SSU72: variants seen among roughly 807,000 people sequenced by gnomAD.
SSU72 encodes SSU72 homolog, RNA polymerase II CTD phosphatase, also known as RNA polymerase II subunit A C-terminal domain phosphatase SSU72.
A neutral mutation model predicts 22.7 loss-of-function variants in SSU72; 12 were observed. The observed-to-expected ratio is 0.53, with a 90% CI of 0.34 to 0.86. The LOEUF is 0.86. Ranked by LOEUF, SSU72 falls within the 40% of genes least tolerant of loss-of-function variation. The pLI, the probability that SSU72 is intolerant of heterozygous loss-of-function variation, is 0.02. For missense variants in SSU72, 151 were observed against 249.8 expected, an observed-to-expected ratio of 0.60 and a Z score of 2.67; for synonymous variants, 116 against 98.3, an observed-to-expected ratio of 1.18 and a Z score of -1.06.
Position 1,574,522 on chromosome 1 carries a change from G to A in SSU72, c.36C>T (p.Cys12=). The A allele has an allele frequency of 5.0e-6, 8 of 1,592,160 alleles. No homozygotes were observed. The highest frequency in any genetic ancestry group is 6.8e-6 in the Non-Finnish European group (8 of 1,171,764). Residue 12 remains cysteine, a synonymous_variant, in exon 1 of 5, where the codon TGC becomes TGT. Transcript: ENST00000291386. ...CCATGCTCCGGTTCTGGTTGCTCGA[G>A]CACACCACCGCCACCCGCAGCGGGG... The part of the protein sequence containing the change: ...PSSPLRVAVV[C]SSNQNRSMEA...
intron 4 of SSU72, among the ~76,000 whole-genome samples, chr1:1,543,491 C>A (rs1436914794): frequency 6.6e-6 from 1 of 152,172 alleles, no homozygotes; most frequent in African/African-American, 2.4e-5. Flanking sequence ...GCCTCCTGTG[C>A]CAAAGCTGTG....
At chr1:1,571,358 G>A (rs1002288681) in intron 1 of SSU72, among the ~76,000 whole-genome samples, 7 of 149,082 alleles carry the variant, frequency 4.7e-5, no homozygotes, top group African/African-American at 1.7e-4. Context: ...TTCAACCTGG[G>A]ATGCAGAGGT....
intron 2 of SSU72, among the ~76,000 whole-genome samples, chr1:1,549,541 GA>G (rs1001256854): frequency 1.4e-5 from 2 of 143,874 alleles, no homozygotes; most frequent in East Asian, 2.1e-4. Flanking sequence ...GAAAGAAAAA[GA>G]AAAAAAAAGG....
intron 2 of SSU72, among the ~76,000 whole-genome samples, chr1:1,555,897 G>A (rs1235302497): frequency 3.3e-5 from 5 of 152,192 alleles, no homozygotes; most frequent in Non-Finnish European, 7.3e-5. Flanking sequence ...TACTCAGGAG[G>A]CTGAGGTGGG....
At position 1,574,468 on chromosome 1, in the gene SSU72, G is replaced by C; in HGVS notation, c.80+10C>G. 6.3e-7 allele frequency: 1 copy of C among 1,592,946 alleles called. No homozygotes were observed. Among genetic ancestry groups the C allele is most frequent in the Non-Finnish European group, 8.5e-7 (1 of 1,171,998 alleles). ...GCAGAGCGCGCGGGGACAGGGTGGA[G>C]CCCAACTACCTGAGGATGTTGTGCG... On this transcript the variant is annotated intron_variant, in intron 1 of 4. Coordinates refer to ENST00000291386, the MANE Select transcript of SSU72 (RefSeq NM_014188.3).
At chr1:1,553,787 G>A (rs1177181236) in intron 2 of SSU72, among the ~76,000 whole-genome samples, 8 of 108,684 alleles carry the variant, frequency 7.4e-5, no homozygotes, top group East Asian at 9.5e-4. Context: ...GCGAGACTCC[G>A]TCTCAAAAAA....
chr1:1,545,203 G>A (rs1206955281), intron 2 of SSU72: 2 of 598,720 alleles, frequency 3.3e-6, no homozygotes, highest in Non-Finnish European at 5.8e-6. Context: ...CAAAGTGGGC[G>A]ATGGCAGGTG....
At chr1:1,567,437 G>A (rs777589062) in intron 1 of SSU72, among the ~76,000 whole-genome samples, 18 of 152,214 alleles carry the variant, frequency 1.2e-4, no homozygotes, top group Middle Eastern at 3.2e-3. Flanking sequence ...CACCCGGACT[G>A]TGAAATAAAC....
In SSU72 at chr1:1,542,187, G is replaced by C. The variant is rs1454044680; in HGVS notation, c.484-20C>G. The C allele has an allele frequency of 1.0e-5, 16 of 1,565,422 alleles. No homozygotes were observed. Among genetic ancestry groups the C allele is most frequent in the Non-Finnish European group, 1.4e-5 (16 of 1,154,492 alleles). On this transcript the variant is annotated intron_variant, in intron 4 of 4. Transcript: ENST00000291386. The surrounding 1 kb of genome is among the most constrained non-coding windows in gnomAD (Gnocchi z 4.4). ...CTGGATCTGCAAGGACAGGACCGTGGTGAGGGCCTTGCCCACTCCTGCCTG... is the reference window on the plus strand; with the variant it reads ...CTGGATCTGCAAGGACAGGACCGTGCTGAGGGCCTTGCCCACTCCTGCCTG...
chr1:1,542,839 C>A lies in SSU72; in HGVS notation c.484-672G>T, dbSNP rs927515341. On this transcript the variant is annotated intron_variant, in intron 4 of 4. Transcript: ENST00000291386. This position sits in a 1 kb window ranked among gnomAD's most constrained non-coding sequence, Gnocchi z 4.4. Reference sequence around the variant, plus strand: ...CCTGCCAGGCGATCATGAAGACCGTCCCTGGCGCTTCAGCAGCCACACTGG... The same window carrying A: ...CCTGCCAGGCGATCATGAAGACCGTACCTGGCGCTTCAGCAGCCACACTGG... Among the ~76,000 whole-genome samples, 2 of 152,192 alleles carry A rather than the reference C, an allele frequency of 1.3e-5. No individual in the cohort carries two copies. Among genetic ancestry groups the A allele is most frequent in the Admixed American group, 6.5e-5 (1 of 15,284 alleles).
chr1:1,549,599 G>A (rs564632821), intron 2 of SSU72, among the ~76,000 whole-genome samples: 74 of 152,082 alleles, frequency 4.9e-4, no homozygotes, highest in Non-Finnish European at 7.6e-4. Flanking sequence ...ACCACTTTGG[G>A]AGGCCGAGGC....
chr1:1,557,671 AC>A (rs1426795092), intron 2 of SSU72, among the ~76,000 whole-genome samples: 1 of 132,808 alleles, frequency 7.5e-6, no homozygotes, highest in Non-Finnish European at 1.6e-5. Flanking sequence ...GGTACGCCGC[AC>A]CTGTAATCCC....
intron 2 of SSU72, among the ~76,000 whole-genome samples, chr1:1,553,842 C>T (rs942380109): frequency 2.6e-5 from 4 of 151,352 alleles, no homozygotes; most frequent in African/African-American, 9.7e-5. Flanking sequence ...TGGAGCAGGC[C>T]GCATCTGAAG....
rs1642783224 is a variant in SSU72 at position 1,574,480 on chromosome 1, G to C, written c.78C>G (p.Leu26=). 1.9e-6 allele frequency: 3 copies of C among 1,595,658 alleles called. No homozygotes were observed. The East Asian group carries it at 7.2e-5, about 38-fold the overall frequency. The change falls in exon 1 of 5, where the codon CTC becomes CTG. Residue 26 remains leucine (L), a splice_region_variant and synonymous_variant. Transcript: ENST00000291386. Reference sequence around the variant, plus strand: ...GGGACAGGGTGGAGCCCAACTACCTGAGGATGTTGTGCGCCTCCATGCTCC... The same window carrying C: ...GGGACAGGGTGGAGCCCAACTACCTCAGGATGTTGTGCGCCTCCATGCTCC... ...QNRSMEAHNI[L]SKRGFSVRSF... is the part of the protein sequence containing the mutation.
At chr1:1,551,844 C>A (rs951548391) in intron 2 of SSU72, among the ~76,000 whole-genome samples, 6 of 152,264 alleles carry the variant, frequency 3.9e-5, no homozygotes, top group African/African-American at 1.2e-4. Flanking sequence ...CCCATGCAGG[C>A]AGGGCCACGC....
intron 2 of SSU72, chr1:1,563,854 C>A (rs994522963): frequency 2.0e-5 from 3 of 152,258 alleles, no homozygotes. Flanking sequence ...CACAGTGAGA[C>A]TCTGCTGGGA....
chr1:1,543,748 C>A, intron 4 of SSU72, 121 bp downstream of exon 4: 1 of 735,618 alleles, frequency 1.4e-6, no homozygotes. Flanking sequence ...CGGCCACTCC[C>A]CTCTGTCACG....
In SSU72 at chr1:1,574,849, C is replaced by A. The variant is rs1226305280; in HGVS notation, c.-292G>T. 1.9e-5 allele frequency: 7 copies of A among 360,782 alleles called. No individual in the cohort carries two copies. The highest frequency in any genetic ancestry group is 1.5e-4 in the Admixed American group (4 of 26,748). The allele number at this position is 360,782 out of a possible 1,614,324, so 22.3% of individuals were successfully genotyped here. A position where few individuals can be genotyped will look rare whatever the true frequency, so the allele number is the denominator to read the frequency against. On this transcript the variant is annotated 5_prime_UTR_variant, in exon 1 of 5. Transcript: ENST00000291386. ...AGCAGAGACCCGCACTCCACAAGGCCCGGCTGAGCGTCACGGCGCCAAGCG... is the reference window on the plus strand; with the variant it reads ...AGCAGAGACCCGCACTCCACAAGGCACGGCTGAGCGTCACGGCGCCAAGCG...
intron 2 of SSU72, among the ~76,000 whole-genome samples, chr1:1,548,024 G>T (rs1287418937): frequency 6.6e-6 from 1 of 152,224 alleles, no homozygotes; most frequent in Non-Finnish European, 1.5e-5. Context: ...GCCCCAACTG[G>T]GCATGAGGGC....
Sources: allele counts gnomAD v4.1 joint callset (sites outside exome capture counted in the v4.1 genomes callset), GRCh38; gene constraint gnomAD v4.1.1; non-coding constraint Gnocchi (gnomAD v3.1); transcripts MANE v1.5; gene names NCBI Gene and HGNC (gene_info 2026-07-23, HGNC 2026-07-21).